CERK: variants seen among roughly 807,000 people sequenced by gnomAD.
CERK encodes acylsphingosine kinase.
A neutral mutation model predicts 63.4 loss-of-function variants in CERK; 39 were observed. The observed-to-expected ratio is 0.61, with a 90% CI of 0.48 to 0.80. The LOEUF is 0.80. Ranked by LOEUF, CERK falls within the 30% of genes least tolerant of loss-of-function variation. CERK has a pLI of 0.00. For synonymous variants in CERK, 302 were observed against 280.0 expected (o/e 1.08, Z -0.78); for missense variants, 670 against 714.1 (o/e 0.94, Z 0.70).
At chr22:46,693,827 T>G in intron 9 of CERK, 1 of 365,260 alleles carries the variant, frequency 2.7e-6, no homozygotes, top group Non-Finnish European at 5.3e-6. Context: ...GAGGCACTGG[T>G]TCCCCCAGCG....
At chr22:46,691,920 A>C in intron 10 of CERK, 143 bp from the exon 11 acceptor site, 1 of 633,392 alleles carries the variant, frequency 1.6e-6, no homozygotes, top group Non-Finnish European at 2.7e-6. Context: ...TCAGCTCAAC[A>C]CCAAAAACAT....
chr22:46,693,311 C>A lies in CERK; in HGVS notation c.1126+116G>T, dbSNP rs2082740753. 4.9e-6 allele frequency: 4 copies of A among 811,438 alleles called. No homozygotes were observed. The South Asian group carries it at 6.0e-5, about 12-fold the overall frequency. The allele number at this position is 811,438 out of a possible 1,614,324, so 50.3% of individuals were successfully genotyped here. On this transcript the variant is annotated intron_variant, in intron 10 of 12. Coordinates refer to ENST00000216264, the MANE Select transcript of CERK (RefSeq NM_022766.6). ...GAAGAAATGGATGCCTGGTGCCAGA[C>A]AGGAAAAAGGAAAAGCACAGGTGGG... is the stretch of plus-strand genomic sequence containing the variant.
At chr22:46,735,498 T>C (rs753231898) in intron 1 of CERK, 1 of 152,182 alleles carries the variant, frequency 6.6e-6, no homozygotes, top group Admixed American at 6.5e-5. Flanking sequence ...ACATCTGAAA[T>C]AGGGGTGATG....
rs139872392 is a variant in CERK at position 46,707,863 on chromosome 22, C to T, written c.695G>A (p.Arg232Gln). The T allele has an allele frequency of 1.6e-5, 26 of 1,611,948 alleles. No homozygotes were observed. The highest frequency in any genetic ancestry group is 2.1e-5 in the Non-Finnish European group (25 of 1,178,846). ...CATACCTGCGGGAATGATTCCAATC[C>T]GGAGGCTACTGGGGACCAGCACAGC... ...PRAVLVPSSLRIGIIPAGSTD... is the reference protein window; with the variant it reads ...PRAVLVPSSLQIGIIPAGSTD... Residue 232 changes from arginine (R) to glutamine (Q), a missense_variant, in exon 6 of 13, where the codon CGG (arginine) becomes CAG (glutamine). Coordinates refer to ENST00000216264, the MANE Select transcript of CERK (RefSeq NM_022766.6).
chr22:46,720,497 C>T (rs576059105), intron 2 of CERK, among the ~76,000 whole-genome samples: 2 of 152,160 alleles, frequency 1.3e-5, no homozygotes. Flanking sequence ...GAGTTCAAGA[C>T]CAGCCTGGCC....
chr22:46,736,458 C>G (rs1474926302), intron 1 of CERK, among the ~76,000 whole-genome samples: 1 of 151,272 alleles, frequency 6.6e-6, no homozygotes, highest in South Asian at 2.1e-4. Context: ...ACGGGAGCAG[C>G]TGCCTCTCAG....
intron 4 of CERK, among the ~76,000 whole-genome samples, chr22:46,711,893 GC>G (rs1486145396): frequency 6.6e-6 from 1 of 152,158 alleles, no homozygotes; most frequent in Non-Finnish European, 1.5e-5. Context: ...TTCGAAACCA[GC>G]CTAAGCAATA....
chr22:46,690,547 A>AT (rs779899478), intron 11 of CERK, among the ~76,000 whole-genome samples: 2 of 152,240 alleles, frequency 1.3e-5, no homozygotes, highest in Non-Finnish European at 2.9e-5. Context: ...ATTCTGATAA[A>AT]TAATTAGCAG....
intron 1 of CERK, among the ~76,000 whole-genome samples, chr22:46,733,823 T>C (rs1311702050): frequency 1.3e-5 from 2 of 151,284 alleles, no homozygotes; most frequent in Non-Finnish European, 1.5e-5. Flanking sequence ...AGGCAGATCA[T>C]CTGAGGTCAG....
intron 8 of CERK, 74 bp downstream of exon 8, chr22:46,699,239 T>G: frequency 6.8e-7 from 1 of 1,473,792 alleles, no homozygotes; most frequent in South Asian, 1.2e-5. Context: ...GCTCAGTGGA[T>G]TCAGTCAGGT....
intron 9 of CERK, among the ~76,000 whole-genome samples, 159 bp downstream of exon 9, chr22:46,695,051 C>T (rs189125157): frequency 4.0e-4 from 61 of 152,342 alleles, no homozygotes; most frequent in Non-Finnish European, 6.3e-4. Flanking sequence ...GCCCCATGCA[C>T]GCCTAGGCCA....
At position 46,685,686 on chromosome 22, in the gene CERK, A is replaced by AT. The variant is rs1306273824; in HGVS notation, c.*1447dup. On this transcript the variant is annotated 3_prime_UTR_variant, in exon 13 of 13. Coordinates refer to ENST00000216264, the MANE Select transcript of CERK (RefSeq NM_022766.6). ...ACAGTGCTCTCTGATAATGTGGTCC[A>AT]TAAAAACCACCATTAAAGCTGCCCT... is the stretch of plus-strand genomic sequence containing the variant. The AT allele has an allele frequency of 6.6e-6, 1 of 152,242 alleles. No homozygotes were observed. Among genetic ancestry groups the AT allele is most frequent in the African/African-American group, 2.4e-5 (1 of 41,464 alleles). The allele number at this position is 152,242 out of a possible 1,614,324, so 9.4% of individuals were successfully genotyped here. A position where few individuals can be genotyped will look rare whatever the true frequency, so the allele number is the denominator to read the frequency against.
At chr22:46,717,348 A>G (rs2082871379) in intron 3 of CERK, among the ~76,000 whole-genome samples, 1 of 152,274 alleles carries the variant, frequency 6.6e-6, no homozygotes, top group African/African-American at 2.4e-5. Flanking sequence ...GCTACTGTTC[A>G]TGACAGCCCA....
chr22:46,711,844 T>G (rs1391530486), intron 4 of CERK, among the ~76,000 whole-genome samples: 1 of 152,224 alleles, frequency 6.6e-6, no homozygotes, highest in Admixed American at 6.5e-5. Flanking sequence ...CCCAGCACTT[T>G]GGGAGGCTAA....
chr22:46,695,259 C>G lies in CERK; in HGVS notation c.1000G>C (p.Ala334Pro). 1 of 1,612,558 alleles carries G rather than the reference C, an allele frequency of 6.2e-7. No homozygotes were observed. Among genetic ancestry groups the G allele is most frequent in the Non-Finnish European group, 8.5e-7 (1 of 1,178,620 alleles). ...CTTGGAGATCCCACCGTGTGTTGTG[C>G]AGGGAGGAAGGACACTGTCCCTTCA... ...CYEGTVSFLP[A>P]QHTVGSPRDR... The change falls in exon 9 of 13, where the codon GCA becomes CCA. Residue 334 changes from alanine (A) to proline (P), a missense_variant. Coordinates refer to ENST00000216264, the MANE Select transcript of CERK (RefSeq NM_022766.6).
intron 1 of CERK, among the ~76,000 whole-genome samples, chr22:46,729,674 T>A (rs2082936033): frequency 1.3e-5 from 2 of 151,688 alleles, no homozygotes; most frequent in African/African-American, 2.4e-5. Context: ...AATGTTAACG[T>A]TCTCAAGGGA....
intron 12 of CERK, among the ~76,000 whole-genome samples, chr22:46,687,768 C>T (rs1227215932): frequency 6.6e-6 from 1 of 152,212 alleles, no homozygotes; most frequent in African/African-American, 2.4e-5. Context: ...AGGTCCCCTG[C>T]CCAGGGGCTC....
intron 12 of CERK, among the ~76,000 whole-genome samples, chr22:46,689,699 A>G (rs1407135074): frequency 6.6e-6 from 1 of 152,192 alleles, no homozygotes. Flanking sequence ...GCCAGCCTGG[A>G]GCACAGGGTG....
chr22:46,687,001 TC>T lies in CERK; in HGVS notation c.*132del. On this transcript the variant is annotated 3_prime_UTR_variant, in exon 13 of 13. Coordinates refer to ENST00000216264, the MANE Select transcript of CERK (RefSeq NM_022766.6). Reference sequence around the variant, plus strand: ...CACAAAATTGTTGACAAAAGGGTTTTCTTCTAAAATCAAGATTTAACTATCA... The same window carrying T: ...CACAAAATTGTTGACAAAAGGGTTTTTTCTAAAATCAAGATTTAACTATCA... 4 of 798,946 alleles carry T rather than the reference TC, an allele frequency of 5.0e-6. 1 individual carries two copies. The South Asian group carries it at 7.5e-5, about 15-fold the overall frequency. 49.5% of individuals were successfully genotyped at this position (798,946 alleles called of 1,614,324 possible). A position where few individuals can be genotyped will look rare whatever the true frequency, so the allele number is the denominator to read the frequency against.
Sources: gnomAD v4.1 joint callset for allele counts (sites outside exome capture counted in the v4.1 genomes callset) on GRCh38, gnomAD v4.1.1 for gene constraint, MANE v1.5 for transcripts, NCBI Gene and HGNC (gene_info 2026-07-23, HGNC 2026-07-21) for gene names.